The following CAPS2 variants were observed in gnomAD, a reference collection of about 807,000 sequenced individuals.
CAPS2 encodes calcyphosine 2.
Under a neutral mutation model 86.5 loss-of-function variants are expected in CAPS2, and 98 were observed. The ratio of observed to expected loss-of-function variants is 1.13; its 90% CI spans 0.96 to 1.34. CAPS2 has a LOEUF of 1.34. Among genes scored for constraint, CAPS2 ranks in the 40% most tolerant of loss-of-function variants. The pLI, the probability that CAPS2 is intolerant of heterozygous loss-of-function variation, is 0.00. For missense variants in CAPS2, 729 were observed against 686.8 expected (o/e 1.06, Z -0.69); for synonymous variants, 210 against 225.1 (o/e 0.93, Z 0.60).
At chr12:75,387,194 G>C (rs911615095) in intron 1 of CAPS2, among the ~76,000 whole-genome samples, 2 of 152,098 alleles carry the variant, frequency 1.3e-5, no homozygotes, top group Non-Finnish European at 2.9e-5. Context: ...AATATGCAAA[G>C]ACTCTTTAAA....
At chr12:75,346,763 G>A (rs1429032396) in intron 1 of CAPS2, among the ~76,000 whole-genome samples, 1 of 151,990 alleles carries the variant, frequency 6.6e-6, no homozygotes. Context: ...GCTAGGACAA[G>A]GCTATAGAAA....
chr12:75,377,380 G>C (rs902222329), intron 1 of CAPS2, among the ~76,000 whole-genome samples: 2 of 152,162 alleles, frequency 1.3e-5, no homozygotes, highest in African/African-American at 4.8e-5. Flanking sequence ...ATCACAAGGT[G>C]AAATCCCACG....
In CAPS2 at chr12:75,321,561, GTA is replaced by G; in HGVS notation, c.305_306del (p.Ile102ThrfsTer2). On this transcript the variant is annotated frameshift_variant, in exon 5 of 17. Coordinates refer to ENST00000393284, the Ensembl canonical transcript of CAPS2. LOFTEE classifies it high-confidence loss of function. ...TCTGTTGGTGCTGGCAAATTTTCAG[GTA>G]TTATGTTCTGATCCTATAGGTAAAA... 6.5e-7 allele frequency: 1 copy of G among 1,546,064 alleles called. No homozygotes were observed. Among genetic ancestry groups the G allele is most frequent in the Non-Finnish European group, 8.8e-7 (1 of 1,142,664 alleles).
At chr12:75,333,350 A>G (rs1260106483), upstream of CAPS2, among the ~76,000 whole-genome samples, 2 of 152,144 alleles carry the variant, frequency 1.3e-5, no homozygotes, top group East Asian at 1.9e-4. Context: ...ATGCCTATAG[A>G]TATCTTTATA....
chr12:75,344,944 A>C (rs1255199749), intron 1 of CAPS2, among the ~76,000 whole-genome samples: 1 of 152,140 alleles, frequency 6.6e-6, no homozygotes, highest in African/African-American at 2.4e-5. Context: ...GAAAGTGAGA[A>C]TAGGTCCAAT....
intron 1 of CAPS2, among the ~76,000 whole-genome samples, chr12:75,351,196 T>G (rs1440701946): frequency 1.3e-5 from 2 of 152,124 alleles, no homozygotes; most frequent in Non-Finnish European, 2.9e-5. Flanking sequence ...TATGTAAGAT[T>G]GAACCTATGA....
upstream of CAPS2, among the ~76,000 whole-genome samples, chr12:75,332,276 T>A (rs965333686): frequency 6.6e-6 from 1 of 152,230 alleles, no homozygotes; most frequent in African/African-American, 2.4e-5. Flanking sequence ...ATTAACCTTA[T>A]CCCTATCAAC....
intron 1 of CAPS2, among the ~76,000 whole-genome samples, chr12:75,368,473 C>A (rs759858696): frequency 6.6e-6 from 1 of 151,492 alleles, no homozygotes; most frequent in Non-Finnish European, 1.5e-5. Flanking sequence ...TGTAAAATTT[C>A]GAAAGGTACC....
At chr12:75,305,875 C>A in intron 7 of CAPS2, 1 of 778,186 alleles carries the variant, frequency 1.3e-6, no homozygotes, top group Non-Finnish European at 2.3e-6. Flanking sequence ...ACCGCAGAGG[C>A]TGACCAGGCT....
At chr12:75,341,082 A>G (rs929770391) in intron 1 of CAPS2, among the ~76,000 whole-genome samples, 1 of 152,060 alleles carries the variant, frequency 6.6e-6, no homozygotes, top group East Asian at 1.9e-4. Context: ...TAGACTTGCA[A>G]TTGCACTTCT....
chr12:75,289,112 C>T (rs2035403117), intron 14 of CAPS2, among the ~76,000 whole-genome samples: 2 of 152,092 alleles, frequency 1.3e-5, no homozygotes. Context: ...ACTCCCTTCC[C>T]CTCCAAGCTT....
At chr12:75,331,519 T>C (rs935578745), upstream of CAPS2, among the ~76,000 whole-genome samples, 1 of 151,906 alleles carries the variant, frequency 6.6e-6, no homozygotes, top group Non-Finnish European at 1.5e-5. Context: ...AAAGCAAAAA[T>C]AAATAGCAGA....
chr12:75,387,916 C>T (rs1246354123), intron 1 of CAPS2, among the ~76,000 whole-genome samples: 1 of 152,188 alleles, frequency 6.6e-6, no homozygotes, highest in African/African-American at 2.4e-5. Flanking sequence ...AGCAATCATG[C>T]TCATGGTATT....
intron 1 of CAPS2, among the ~76,000 whole-genome samples, chr12:75,381,739 C>A (rs554897036): frequency 2.0e-5 from 3 of 151,546 alleles, no homozygotes; most frequent in African/African-American, 7.3e-5. Context: ...CTCAGCCTCC[C>A]GAGTAGCTGG....
chr12:75,315,829 CT>C (rs1269727646), intron 6 of CAPS2, among the ~76,000 whole-genome samples: 1 of 152,168 alleles, frequency 6.6e-6, no homozygotes, highest in African/African-American at 2.4e-5. Context: ...TGTGCCAGAA[CT>C]GGTCTAAACC....
chr12:75,362,452 C>T (rs566019261), intron 1 of CAPS2, among the ~76,000 whole-genome samples: 1 of 152,176 alleles, frequency 6.6e-6, no homozygotes, highest in East Asian at 1.9e-4. Flanking sequence ...TTCATAGCAA[C>T]CCTATTGGTA....
intron 1 of CAPS2, among the ~76,000 whole-genome samples, chr12:75,351,207 C>T (rs2042787294): frequency 6.6e-6 from 1 of 152,166 alleles, no homozygotes; most frequent in South Asian, 2.1e-4. Flanking sequence ...GAACCTATGA[C>T]TGATTGGGGT....
At chr12:75,334,814 C>T, upstream of CAPS2, 2 of 1,614,170 alleles carry the variant, frequency 1.2e-6, no homozygotes, top group Non-Finnish European at 1.7e-6. Context: ...CCATCCATCA[C>T]TGACCCACAC....
intron 16 of CAPS2, among the ~76,000 whole-genome samples, chr12:75,279,710 ATTACT>A (rs1196340497): frequency 1.3e-5 from 2 of 152,086 alleles, no homozygotes; most frequent in African/African-American, 4.8e-5. Context: ...AGAAAAAGTC[ATTACT>A]TTATAAAATA....
Sources: gnomAD v4.1 joint callset for allele counts (sites outside exome capture counted in the v4.1 genomes callset) on GRCh38, gnomAD v4.1.1 for gene constraint, MANE v1.5 for transcripts, NCBI Gene and HGNC (gene_info 2026-07-23, HGNC 2026-07-21) for gene names.